Variants in RBM27 observed in about 807,000 individuals in gnomAD.
RBM27 encodes the protein RNA-binding protein 27.
In RBM27, 22 loss-of-function variants were observed where a neutral mutation model predicts 135.3. That is an observed-to-expected ratio of 0.16 (90% CI 0.12 to 0.23). RBM27 has a LOEUF of 0.23. RBM27 is among the 10% of genes least tolerant of loss of function. The pLI, the probability that RBM27 is intolerant of heterozygous loss-of-function variation, is 1.00. For synonymous variants in RBM27, 481 were observed against 442.4 expected (o/e 1.09, Z -1.10); for missense variants, 1,009 against 1,281.0 (o/e 0.79, Z 3.24).
intron 1 of RBM27, among the ~76,000 whole-genome samples, chr5:146,210,133 G>A (rs1561520949): frequency 6.6e-6 from 1 of 152,126 alleles, no homozygotes. Flanking sequence ...TGCAGGGCAA[G>A]GTCTGTTTTG....
chr5:146,239,530 T>C (rs1757314881), intron 8 of RBM27, among the ~76,000 whole-genome samples: 1 of 141,604 alleles, frequency 7.1e-6, no homozygotes, highest in African/African-American at 2.7e-5. Context: ...CAGGCTGGAG[T>C]ACAGTGGTGC....
intron 2 of RBM27, 77 bp from the exon 3 acceptor site, chr5:146,223,326 T>G: frequency 2.9e-6 from 4 of 1,384,784 alleles, no homozygotes; most frequent in Non-Finnish European, 3.9e-6. Context: ...CCTGTTTTCC[T>G]GAGCTTTGCT....
At chr5:146,276,812 T>C (rs1449609361) in intron 19 of RBM27, among the ~76,000 whole-genome samples, 1 of 152,130 alleles carries the variant, frequency 6.6e-6, no homozygotes, top group Non-Finnish European at 1.5e-5. Flanking sequence ...CCCAGCACTT[T>C]GGGAGGCTGA....
Position 146,277,964 on chromosome 5 carries a change from C to T in RBM27, c.2988+6290C>T, listed in dbSNP as rs1207275000. ...CAAAATACCTGCTAGAGTGATGTCT[C>T]CAATTGAGAACCACTGCTTTAGGTA... On this transcript the variant is annotated intron_variant, in intron 19 of 20. Transcript: ENST00000265271. Among the ~76,000 whole-genome samples the T allele has an allele frequency of 3.9e-5, 6 of 152,052 alleles. No homozygotes were observed. The South Asian group carries it at 1.2e-3, about 32-fold the overall frequency.
intron 1 of RBM27, among the ~76,000 whole-genome samples, chr5:146,206,693 G>GC (rs1404523159): frequency 6.6e-6 from 1 of 152,022 alleles, no homozygotes; most frequent in Non-Finnish European, 1.5e-5. Context: ...CGATTCTCCT[G>GC]CCCCAGCATC....
chr5:146,286,077 C>G lies in RBM27; in HGVS notation c.*47C>G. 6.6e-7 allele frequency: 1 copy of G among 1,508,810 alleles called. No homozygotes were observed. The highest frequency in any genetic ancestry group is 9.0e-7 in the Non-Finnish European group (1 of 1,117,020). 93.5% of individuals were successfully genotyped at this position (1,508,810 alleles called of 1,614,324 possible). On this transcript the variant is annotated 3_prime_UTR_variant, in exon 21 of 21. Coordinates refer to ENST00000265271, the MANE Select transcript of RBM27 (RefSeq NM_018989.2). Reference sequence around the variant, plus strand: ...TTTTTAGGAATATTGTTTAGAAGAACAACTTTTAAAAATTATTTAAAAGAA... The same window carrying G: ...TTTTTAGGAATATTGTTTAGAAGAAGAACTTTTAAAAATTATTTAAAAGAA...
At chr5:146,205,057 C>G (rs1755569261) in intron 1 of RBM27, among the ~76,000 whole-genome samples, 1 of 152,168 alleles carries the variant, frequency 6.6e-6, no homozygotes, top group Non-Finnish European at 1.5e-5. Context: ...GCCACCACGC[C>G]CAGCTAATTT....
At chr5:146,251,405 T>A (rs888038118) in intron 8 of RBM27, among the ~76,000 whole-genome samples, 8 of 152,190 alleles carry the variant, frequency 5.3e-5, no homozygotes, top group African/African-American at 1.9e-4. Flanking sequence ...TCTAATAACC[T>A]GATATGGTTC....
chr5:146,253,269 T>C (rs1324758027), intron 9 of RBM27, among the ~76,000 whole-genome samples: 1 of 152,192 alleles, frequency 6.6e-6, no homozygotes, highest in East Asian at 1.9e-4. Context: ...GTGCTGGAAT[T>C]ACAGGCGTGA....
At chr5:146,280,057 ATT>A (rs58281973) in intron 19 of RBM27, among the ~76,000 whole-genome samples, 5 of 144,076 alleles carry the variant, frequency 3.5e-5, no homozygotes, top group East Asian at 2.0e-4. Flanking sequence ...TATTCCTTTA[ATT>A]TTTTTTTTTT....
At chr5:146,228,096 C>T (rs998649223) in intron 3 of RBM27, among the ~76,000 whole-genome samples, 2 of 152,088 alleles carry the variant, frequency 1.3e-5, no homozygotes, top group Non-Finnish European at 2.9e-5. Flanking sequence ...CCTACTTTAA[C>T]ATTAAAAAAT....
chr5:146,231,214 A>G (rs1261982510), intron 6 of RBM27, among the ~76,000 whole-genome samples: 3 of 151,924 alleles, frequency 2.0e-5, no homozygotes, highest in Non-Finnish European at 2.9e-5. Flanking sequence ...ACTGACTTCT[A>G]TGGCCTGTAT....
At chr5:146,254,741 C>G (rs7703269) in intron 9 of RBM27, among the ~76,000 whole-genome samples, 2 of 151,674 alleles carry the variant, frequency 1.3e-5, no homozygotes, top group Non-Finnish European at 2.9e-5. Flanking sequence ...TGTTTTATAT[C>G]AAAGTCTTGA....
chr5:146,242,626 C>A (rs1757452639), intron 8 of RBM27, among the ~76,000 whole-genome samples: 1 of 152,166 alleles, frequency 6.6e-6, no homozygotes. Context: ...CGGAGTCTTA[C>A]TCTGTTGCCC....
intron 11 of RBM27, among the ~76,000 whole-genome samples, chr5:146,260,151 T>G (rs1196497163): frequency 6.6e-6 from 1 of 151,834 alleles, no homozygotes. Flanking sequence ...ATACAAAAAT[T>G]AGTCGTGCGT....
rs371306680 is a variant in RBM27 at position 146,248,234 on chromosome 5, GT to G, written c.1280-3460del. Among the ~76,000 whole-genome samples, 565 of 134,660 alleles carry G rather than the reference GT, an allele frequency of 4.2e-3. 1 individual carries two copies. The highest frequency in any genetic ancestry group is 7.7e-3 in the Middle Eastern group (2 of 260). The allele number at this position is 134,660 out of a possible 152,430, so 88.3% of individuals were successfully genotyped here. ...AGCCTCTTCATGTTGGCTTCTGCTA[GT>G]TTTTTTTTTTTTTTTTAATTTTTGA... On this transcript the variant is annotated intron_variant, in intron 8 of 20. Transcript: ENST00000265271.
intron 8 of RBM27, among the ~76,000 whole-genome samples, chr5:146,240,847 A>C (rs1319400047): frequency 2.6e-5 from 4 of 152,160 alleles, no homozygotes; most frequent in Admixed American, 6.6e-5. Context: ...GTCTTTTCAT[A>C]GAACATGTTT....
At chr5:146,227,382 A>G (rs1195611424) in intron 3 of RBM27, among the ~76,000 whole-genome samples, 1 of 152,138 alleles carries the variant, frequency 6.6e-6, no homozygotes, top group Non-Finnish European at 1.5e-5. Context: ...TAGGATAGAG[A>G]ATGTTTTTTA....
At position 146,271,559 on chromosome 5, in the gene RBM27, G is replaced by A. The variant is rs199838555; in HGVS notation, c.2873G>A (p.Arg958His). 1,212 of 1,613,614 alleles carry A rather than the reference G, an allele frequency of 7.5e-4. 1 individual carries two copies. The highest frequency in any genetic ancestry group is 9.7e-4 in the Non-Finnish European group (1,142 of 1,179,576). ...CAAGGTCGAGGAAGAGGCCGAGGGC[G>A]TGGAGGAAGAGGAAGGGGCTCACTA... Reference protein sequence around the residue: ...SSQGRGRGRGRGGRGRGSLNH... With the variant: ...SSQGRGRGRGHGGRGRGSLNH... Residue 958 changes from arginine (R) to histidine (H), a missense_variant, in exon 19 of 21, where the codon CGT (arginine) becomes CAT (histidine). Coordinates refer to ENST00000265271, the MANE Select transcript of RBM27 (RefSeq NM_018989.2).
Sources: allele counts gnomAD v4.1 joint callset (sites outside exome capture counted in the v4.1 genomes callset), GRCh38; gene constraint gnomAD v4.1.1; transcripts MANE v1.5; gene names NCBI Gene and HGNC (gene_info 2026-07-23, HGNC 2026-07-21).